Variants in TLR2 observed in about 807,000 individuals in gnomAD.
TLR2 encodes toll like receptor 2, also known as toll-like receptor 2.
Under a neutral mutation model 9.1 loss-of-function variants are expected in TLR2, and 7 were observed. The observed-to-expected ratio is 0.77, with a 90% confidence interval of 0.44 to 1.44. The LOEUF is 1.44. Ranked by LOEUF, TLR2 falls within the 40% of genes most tolerant of loss-of-function variation. The pLI is 0.01. For missense variants in TLR2, 812 were observed against 904.6 expected, an observed-to-expected ratio of 0.90 and a Z score of 1.31; for synonymous variants, 317 against 344.6, an observed-to-expected ratio of 0.92 and a Z score of 0.89.
intron 2 of TLR2, 185 bp from the exon 3 acceptor site, chr4:153,702,707 A>AT (rs1736976524): frequency 3.4e-6 from 2 of 589,934 alleles, no homozygotes; most frequent in African/African-American, 2.0e-5. Flanking sequence ...CAGGGAATTC[A>AT]TTTTTTTATC....
At chr4:153,702,501 G>A (rs900218996) in intron 2 of TLR2, 2 of 162,444 alleles carry the variant, frequency 1.2e-5, no homozygotes, top group African/African-American at 4.8e-5. Context: ...AGTTTGAAGT[G>A]CAGAAAAAGG....
chr4:153,703,492 G>A lies in TLR2; in HGVS notation c.585G>A (p.Lys195=), dbSNP rs1396784443. 5 of 1,613,636 alleles carry A rather than the reference G, an allele frequency of 3.1e-6. No homozygotes were observed. Among genetic ancestry groups the A allele is most frequent in the Non-Finnish European group, 3.4e-6 (4 of 1,179,868 alleles). ...AGAGCTATGAGCCAAAAAGTTTGAA[G>A]TCAATTCAGAATGTAAGTCATCTGA... is the stretch of plus-strand genomic sequence containing the variant. ...DLQSYEPKSL[K]SIQNVSHLIL... Residue 195 remains lysine, a synonymous_variant, in exon 3 of 3, where the codon AAG becomes AAA. Coordinates refer to ENST00000642700, the MANE Select transcript of TLR2 (RefSeq NM_001318789.2).
chr4:153,693,388 C>T (rs947440269), intron 2 of TLR2, among the ~76,000 whole-genome samples: 4 of 152,162 alleles, frequency 2.6e-5, no homozygotes, highest in Non-Finnish European at 5.9e-5. Flanking sequence ...TATAATATTT[C>T]CCTGTTGATC....
In TLR2 at chr4:153,704,601, A is replaced by T; in HGVS notation, c.1694A>T (p.Asp565Val). 6.2e-7 allele frequency: 1 copy of T among 1,609,602 alleles called. No individual in the cohort carries two copies. Among genetic ancestry groups the T allele is most frequent in the Non-Finnish European group, 8.5e-7 (1 of 1,179,370 alleles). ...LIDWPANYLC[D>V]SPSHVRGQQV... ...GATTGGCCAGCAAATTACCTGTGTG[A>T]CTCTCCATCCCATGTGCGTGGCCAG... The change falls in exon 3 of 3, where the codon GAC becomes GTC. Residue 565 changes from aspartate to valine, a missense_variant. Transcript: ENST00000642700.
chr4:153,686,888 C>T (rs1735746052), intron 1 of TLR2, among the ~76,000 whole-genome samples: 1 of 152,140 alleles, frequency 6.6e-6, no homozygotes, highest in Admixed American at 6.5e-5. Flanking sequence ...CTACTTCCAA[C>T]AGCAGCTGAA....
At chr4:153,691,569 T>C (rs779492791) in intron 2 of TLR2, among the ~76,000 whole-genome samples, 3 of 152,190 alleles carry the variant, frequency 2.0e-5, no homozygotes, top group Non-Finnish European at 4.4e-5. Flanking sequence ...TTTTTGGATC[T>C]ATTCTATTTA....
At chr4:153,709,435 T>C (rs1198147109), downstream of TLR2, among the ~76,000 whole-genome samples, 3 of 152,212 alleles carry the variant, frequency 2.0e-5, no homozygotes, top group Non-Finnish European at 1.5e-5. Context: ...CAACATATCA[T>C]TCATGGGTTA....
chr4:153,707,895 A>T (rs188704865), downstream of TLR2, among the ~76,000 whole-genome samples: 2 of 152,210 alleles, frequency 1.3e-5, no homozygotes, highest in Admixed American at 1.3e-4. Context: ...TTAAAGGTGG[A>T]TCTTCCTTTC....
At position 153,703,273 on chromosome 4, in the gene TLR2, C is replaced by T. The variant is rs1737053497; in HGVS notation, c.366C>T (p.Pro122=). Reference sequence around the variant, plus strand: ...ATTTATCGTCTTCCTGGTTCAAGCCCCTTTCTTCTTTAACATTCTTAAACT... The same window carrying T: ...ATTTATCGTCTTCCTGGTTCAAGCCTCTTTCTTCTTTAACATTCTTAAACT... The part of the protein sequence containing the change: ...LSNLSSSWFK[P]LSSLTFLNLL... Residue 122 remains proline, a synonymous_variant, in exon 3 of 3, where the codon CCC becomes CCT. Transcript: ENST00000642700. 6.2e-7 allele frequency: 1 copy of T among 1,612,756 alleles called. No homozygotes were observed. Among genetic ancestry groups the T allele is most frequent in the African/African-American group, 1.3e-5 (1 of 74,692 alleles).
intron 2 of TLR2, 38 bp from the exon 3 acceptor site, chr4:153,702,854 C>T (rs1737002880): frequency 6.5e-7 from 1 of 1,530,162 alleles, no homozygotes; most frequent in Non-Finnish European, 8.8e-7. Flanking sequence ...GATATGCTGT[C>T]AAACACAATG....
chr4:153,691,099 G>A (rs944736688), intron 2 of TLR2, among the ~76,000 whole-genome samples: 4 of 152,190 alleles, frequency 2.6e-5, no homozygotes, highest in Admixed American at 2.0e-4. Context: ...AGTATAGGGC[G>A]TGTGAAAAAC....
chr4:153,685,918 T>G (rs1050866321), intron 1 of TLR2, among the ~76,000 whole-genome samples: 1 of 152,158 alleles, frequency 6.6e-6, no homozygotes, highest in South Asian at 2.1e-4. Flanking sequence ...GAACAGAAAT[T>G]TATCCATTCA....
At position 153,704,735 on chromosome 4, in the gene TLR2, C is replaced by G; in HGVS notation, c.1828C>G (p.His610Asp). Residue 610 changes from histidine to aspartate, a missense_variant, in exon 3 of 3, where the codon CAC (histidine) becomes GAC (aspartate). His to Asp is a moderately conservative substitution (Grantham distance 81). Coordinates refer to ENST00000642700, the MANE Select transcript of TLR2 (RefSeq NM_001318789.2). ...LLILLTGVLC[H>D]RFHGLWYMKM... Reference sequence around the variant, plus strand: ...GATCCTGCTCACGGGGGTCCTGTGCCACCGTTTCCATGGCCTGTGGTATAT... The same window carrying G: ...GATCCTGCTCACGGGGGTCCTGTGCGACCGTTTCCATGGCCTGTGGTATAT... The G allele has an allele frequency of 6.2e-7, 1 of 1,614,006 alleles. No individual in the cohort carries two copies. The highest frequency in any genetic ancestry group is 1.1e-5 in the South Asian group (1 of 91,056).
intron 2 of TLR2, among the ~76,000 whole-genome samples, chr4:153,696,429 A>C (rs936663934): frequency 6.6e-6 from 1 of 152,090 alleles, no homozygotes; most frequent in African/African-American, 2.4e-5. Flanking sequence ...TCCTTTGATT[A>C]AGTTTATTCC....
chr4:153,694,008 GA>G (rs1209698950), intron 2 of TLR2, among the ~76,000 whole-genome samples: 1 of 152,168 alleles, frequency 6.6e-6, no homozygotes, highest in Non-Finnish European at 1.5e-5. Context: ...TGTGGAGTGG[GA>G]AATCAGGGGA....
At chr4:153,702,718 C>T in intron 2 of TLR2, 174 bp from the exon 3 acceptor site, 7 of 599,616 alleles carry the variant, frequency 1.2e-5, no homozygotes, top group South Asian at 2.5e-5. Flanking sequence ...TTTTTTTATC[C>T]CCATTCATTC....
At chr4:153,702,358 T>C (rs2127059500) in intron 2 of TLR2, 1 of 152,604 alleles carries the variant, frequency 6.6e-6, no homozygotes, top group African/African-American at 2.4e-5. Flanking sequence ...ATGGAACTTT[T>C]TTCTTTTGGT....
chr4:153,704,787 C>A lies in TLR2; in HGVS notation c.1880C>A (p.Ala627Asp), dbSNP rs1737215191. Residue 627 changes from alanine to aspartate, a missense_variant, in exon 3 of 3, where the codon GCC (alanine) becomes GAC (aspartate). By Grantham distance (126) the Ala-to-Asp change is moderately radical (BLOSUM62 -2). Coordinates refer to ENST00000642700, the MANE Select transcript of TLR2 (RefSeq NM_001318789.2). ...YMKMMWAWLQ[A>D]KRKPRKAPSR... ...AAAATGATGTGGGCCTGGCTCCAGGCCAAAAGGAAGCCCAGGAAAGCTCCC... is the reference window on the plus strand; with the variant it reads ...AAAATGATGTGGGCCTGGCTCCAGGACAAAAGGAAGCCCAGGAAAGCTCCC... 3 of 1,613,828 alleles carry A rather than the reference C, an allele frequency of 1.9e-6. No individual in the cohort carries two copies. The highest frequency in any genetic ancestry group is 2.5e-6 in the Non-Finnish European group (3 of 1,179,956).
At chr4:153,708,461 T>C (rs1737401023), downstream of TLR2, among the ~76,000 whole-genome samples, 1 of 152,232 alleles carries the variant, frequency 6.6e-6, no homozygotes, top group African/African-American at 2.4e-5. Context: ...TATTGAATTA[T>C]TGGGATGTTT....
Sources: gnomAD v4.1 joint callset for allele counts (sites outside exome capture counted in the v4.1 genomes callset) on GRCh38, gnomAD v4.1.1 for gene constraint, MANE v1.5 for transcripts, NCBI Gene and HGNC (gene_info 2026-07-23, HGNC 2026-07-21) for gene names.